PUS10: variants seen among roughly 807,000 people sequenced by gnomAD.
The protein encoded by PUS10 is pseudouridine synthase 10, also known as tRNA pseudouridine synthase Pus10.
In PUS10, 59 loss-of-function variants were observed where a neutral mutation model predicts 75.0. The observed-to-expected ratio is 0.79, with a 90% CI of 0.64 to 0.98. PUS10 has a LOEUF of 0.98. Ranked by LOEUF, PUS10 falls within the 50% of genes least tolerant of loss-of-function variation. The probability of loss-of-function intolerance (pLI) is 0.00; values close to 1 mark genes in which losing one functional copy is unlikely to be tolerated. For synonymous variants in PUS10, 219 were observed against 211.6 expected, an observed-to-expected ratio of 1.03 and a Z score of -0.30; for missense variants, 650 against 614.4, an observed-to-expected ratio of 1.06 and a Z score of -0.61.
chr2:61,017,191 C>G (rs571018735), intron 1 of PUS10: 1 of 152,610 alleles, frequency 6.6e-6, no homozygotes, highest in African/African-American at 2.4e-5. Flanking sequence ...GAGATTTAAC[C>G]CCTTCCGGCC....
At chr2:60,961,868 G>A (rs1217214526) in intron 9 of PUS10, among the ~76,000 whole-genome samples, 3 of 152,240 alleles carry the variant, frequency 2.0e-5, no homozygotes, top group Admixed American at 2.0e-4. Flanking sequence ...TACATAGGAA[G>A]TGGAAGCCCC....
At chr2:60,978,309 C>T (rs1012770005) in intron 4 of PUS10, among the ~76,000 whole-genome samples, 64 of 151,206 alleles carry the variant, frequency 4.2e-4, no homozygotes, top group African/African-American at 1.5e-3. Flanking sequence ...GTAATCCCAG[C>T]TACTAGGGAG....
intron 11 of PUS10, among the ~76,000 whole-genome samples, chr2:60,957,975 A>G (rs1028836026): frequency 6.6e-6 from 1 of 152,200 alleles, no homozygotes; most frequent in Non-Finnish European, 1.5e-5. Context: ...CGGAGCCACT[A>G]TTGTCTGTAA....
chr2:60,985,633 G>A (rs1011731544), intron 4 of PUS10, among the ~76,000 whole-genome samples: 4 of 151,810 alleles, frequency 2.6e-5, no homozygotes, highest in South Asian at 2.1e-4. Flanking sequence ...CCCGAGTAGC[G>A]GGAATTACAG....
At chr2:60,965,187 G>T in intron 7 of PUS10, 84 bp from the exon 8 acceptor site, 1 of 1,361,482 alleles carries the variant, frequency 7.3e-7, no homozygotes, top group Non-Finnish European at 1.0e-6. Context: ...ATACAAAATG[G>T]CTGCTAAACT....
At chr2:60,972,192 G>A (rs112401990) in intron 4 of PUS10, among the ~76,000 whole-genome samples, 46,478 of 137,412 alleles carry the variant, frequency 0.34, 8,357 homozygotes, top group Middle Eastern at 0.45. Flanking sequence ...GGCCAGGCGC[G>A]CTGGCTCACG....
chr2:60,971,504 C>A lies in PUS10; in HGVS notation c.503+19G>T. ...TTGTATTTGAATGGTAGTAAAAATT[C>A]CCTACCTAAATTACTTACCCCATTT... On this transcript the variant is annotated intron_variant, in intron 5 of 17. Transcript: ENST00000316752. 4 of 1,609,552 alleles carry A rather than the reference C, an allele frequency of 2.5e-6. No individual in the cohort carries two copies. The South Asian group carries it at 4.4e-5, about 18-fold the overall frequency.
rs1037159990 is a variant in PUS10, at chr2:61,011,825, T to G, written c.66A>C (p.Pro22=). ...AQLLLNTGTC[P]RCIFRFCGVD... The stretch of plus-strand genomic sequence containing the variant: ...CACCACAGAATCTGAAGATACATCT[T>G]GGACAAGTACCAGTATTGAGCAACA... Residue 22 remains proline, a synonymous_variant, in exon 2 of 18, where the codon CCA becomes CCC. Coordinates refer to ENST00000316752, the MANE Select transcript of PUS10 (RefSeq NM_144709.4). 3.1e-6 allele frequency: 5 copies of G among 1,611,660 alleles called. No homozygotes were observed. Among genetic ancestry groups the G allele is most frequent in the Non-Finnish European group, 3.4e-6 (4 of 1,178,586 alleles).
Position 60,952,912 on chromosome 2 carries a change from C to CTA in PUS10, c.1308+84_1308+85insTA. 3.8e-6 allele frequency: 3 copies of CTA among 798,576 alleles called. No individual in the cohort carries two copies. In the South Asian group the frequency reaches 4.8e-5, roughly 13 times the overall value. The allele number at this position is 798,576 out of a possible 1,614,324, so 49.5% of individuals were successfully genotyped here. A position where few individuals can be genotyped will look rare whatever the true frequency, so the allele number is the denominator to read the frequency against. ...TGACCCCAAAGCCCATGCCCTGTGA[C>CTA]TTGCTAGTAATAAATTAGAAGACAA... On this transcript the variant is annotated intron_variant, in intron 15 of 17. Coordinates refer to ENST00000316752, the MANE Select transcript of PUS10 (RefSeq NM_144709.4).
intron 11 of PUS10, 105 bp downstream of exon 11, chr2:60,960,287 T>C (rs1675940444): frequency 3.5e-6 from 3 of 847,002 alleles, no homozygotes; most frequent in South Asian, 4.9e-5. Flanking sequence ...AAGGCTGCCA[T>C]AAGCTGTGAT....
In PUS10 at chr2:60,941,719, T is replaced by C. The variant is rs548913158; in HGVS notation, c.*676A>G. The stretch of plus-strand genomic sequence containing the variant: ...TGAAAGGCTCCTACCATGGCATGCC[T>C]TGGCTCCTACGGTTTTACTTTCCCT... On this transcript the variant is annotated 3_prime_UTR_variant, in exon 18 of 18. Transcript: ENST00000316752. 6.6e-6 allele frequency: 1 copy of C among 152,438 alleles called. No individual in the cohort carries two copies. The highest frequency in any genetic ancestry group is 2.1e-4 in the South Asian group (1 of 4,830). 9.4% of individuals were successfully genotyped at this position (152,438 alleles called of 1,614,324 possible). A position where few individuals can be genotyped will look rare whatever the true frequency, so the allele number is the denominator to read the frequency against.
At chr2:60,969,415 T>C (rs1676527807) in intron 5 of PUS10, among the ~76,000 whole-genome samples, 1 of 152,208 alleles carries the variant, frequency 6.6e-6, no homozygotes. Context: ...CCCTAGCATA[T>C]ACCTGATTGT....
At chr2:60,994,759 T>C (rs986372331) in intron 4 of PUS10, among the ~76,000 whole-genome samples, 1 of 152,108 alleles carries the variant, frequency 6.6e-6, no homozygotes, top group Non-Finnish European at 1.5e-5. Context: ...CTAGGCTAAG[T>C]CCCACTTATA....
At chr2:60,987,496 T>C (rs1315361941) in intron 4 of PUS10, among the ~76,000 whole-genome samples, 1 of 152,158 alleles carries the variant, frequency 6.6e-6, no homozygotes, top group Non-Finnish European at 1.5e-5. Flanking sequence ...AATAATTTGG[T>C]GACAACCTGT....
chr2:61,014,827 T>C (rs1040492049), intron 1 of PUS10, among the ~76,000 whole-genome samples: 2 of 152,220 alleles, frequency 1.3e-5, no homozygotes, highest in African/African-American at 4.8e-5. Context: ...GTGATTCTTC[T>C]AGTCTGCGTT....
intron 3 of PUS10, among the ~76,000 whole-genome samples, chr2:61,007,331 G>A (rs1468339695): frequency 2.6e-5 from 4 of 151,824 alleles, no homozygotes; most frequent in African/African-American, 7.3e-5. Context: ...GCATGGTGGC[G>A]TGCACCTGTA....
intron 4 of PUS10, 137 bp from the exon 5 acceptor site, chr2:60,971,694 A>C: frequency 1.3e-6 from 1 of 773,464 alleles, no homozygotes; most frequent in South Asian, 1.6e-5. Context: ...TTAGTATTCA[A>C]AAATTTACCA....
Position 60,961,531 on chromosome 2 carries a change from G to A in PUS10, c.806C>T (p.Pro269Leu). 1 of 1,613,946 alleles carries A rather than the reference G, an allele frequency of 6.2e-7. No individual in the cohort carries two copies. The highest frequency in any genetic ancestry group is 8.5e-7 in the Non-Finnish European group (1 of 1,179,838). ...AGCGCATACAGCCTTTGGTGAGTTT[G>A]GAGGACAAGGAAACTGCCTGCAAAA... is the stretch of plus-strand genomic sequence containing the variant. ...EDFLKQFPCP[P>L]NSPKAVCAVL... Residue 269 changes from proline (P) to leucine (L), a missense_variant, in exon 10 of 18, where the codon CCA (proline) becomes CTA (leucine). Coordinates refer to ENST00000316752, the MANE Select transcript of PUS10 (RefSeq NM_144709.4).
chr2:60,967,544 G>T lies in PUS10; in HGVS notation c.573C>A (p.His191Gln), dbSNP rs1416633928. The T allele has an allele frequency of 3.1e-6, 5 of 1,609,456 alleles. No homozygotes were observed. The highest frequency in any genetic ancestry group is 4.2e-6 in the Non-Finnish European group (5 of 1,177,644). Residue 191 changes from histidine to glutamine, a missense_variant, in exon 6 of 18, where the codon CAC becomes CAA. By Grantham distance (24) the His-to-Gln change is conservative. Coordinates refer to ENST00000316752, the MANE Select transcript of PUS10 (RefSeq NM_144709.4). ...CACCCAGTTCCTCTGAAAACAGGGG[G>T]TGAGTTATCCATTTGTAGGCTTCTT... is the stretch of plus-strand genomic sequence containing the variant. ...QLKEAYKWIT[H>Q]PLFSEELGVP... is the part of the protein sequence containing the mutation.
Sources: allele counts gnomAD v4.1 joint callset (sites outside exome capture counted in the v4.1 genomes callset), GRCh38; gene constraint gnomAD v4.1.1; transcripts MANE v1.5; gene names NCBI Gene and HGNC (gene_info 2026-07-23, HGNC 2026-07-21).